The following PKIB variants were observed in gnomAD, a reference collection of about 807,000 sequenced individuals.
PKIB encodes the protein cAMP-dependent protein kinase inhibitor beta.
A neutral mutation model predicts 4.5 loss-of-function variants in PKIB; 2 were observed. The observed-to-expected ratio is 0.44, with a 90% CI of 0.18 to 1.39. The LOEUF (loss-of-function observed/expected upper bound fraction) is 1.39, where lower values mean the gene tolerates loss of function less well. PKIB is among the 40% of genes most tolerant of loss of function. PKIB has a pLI of 0.27. For missense variants in PKIB, 94 were observed against 92.6 expected, an observed-to-expected ratio of 1.02 and a Z score of -0.06; for synonymous variants, 38 against 36.0, an observed-to-expected ratio of 1.06 and a Z score of -0.20.
chr6:122,662,977 A>G (rs1777069414), intron 2 of PKIB, among the ~76,000 whole-genome samples: 1 of 152,096 alleles, frequency 6.6e-6, no homozygotes, highest in African/African-American at 2.4e-5. Flanking sequence ...TGTTTCCCTT[A>G]TCCTGATTGT....
At chr6:122,526,092 A>C (rs948738342) in intron 2 of PKIB, among the ~76,000 whole-genome samples, 8 of 152,040 alleles carry the variant, frequency 5.3e-5, no homozygotes, top group South Asian at 2.1e-4. Flanking sequence ...CTTAAAAGCA[A>C]CTCTTCATCA....
intron 2 of PKIB, among the ~76,000 whole-genome samples, chr6:122,572,522 G>A (rs936328135): frequency 1.3e-5 from 2 of 151,516 alleles, no homozygotes; most frequent in South Asian, 4.1e-4. Context: ...ACATCAAAAA[G>A]TCTGAAACAG....
intron 3 of PKIB, among the ~76,000 whole-genome samples, chr6:122,591,028 A>C (rs906632271): frequency 2.0e-5 from 3 of 152,024 alleles, no homozygotes; most frequent in African/African-American, 7.2e-5. Context: ...TTTTAAAAAA[A>C]AAAACAGACA....
At chr6:122,691,942 G>A (rs868134273) in intron 3 of PKIB, among the ~76,000 whole-genome samples, 179 of 152,298 alleles carry the variant, frequency 1.2e-3, no homozygotes, top group African/African-American at 4.1e-3. Context: ...TTGTAGGCTT[G>A]TAGAGGTACC....
chr6:122,526,652 A>G lies in PKIB; in HGVS notation c.-248+48713A>G, dbSNP rs181349485. On this transcript the variant is annotated intron_variant, in intron 2 of 6. Coordinates refer to the PKIB transcript ENST00000392491. ...AAAATATTCAATAAGCCATGCTGTC[A>G]GTGAATGTGCTGTTATCTAGGCTTT... is the stretch of plus-strand genomic sequence containing the variant. Among the ~76,000 whole-genome samples, 545 of 152,242 alleles carry G rather than the reference A, an allele frequency of 3.6e-3. 4 individuals are homozygous for G. Among genetic ancestry groups the G allele is most frequent in the African/African-American group, 0.012 (504 of 41,556 alleles).
intron 2 of PKIB, among the ~76,000 whole-genome samples, chr6:122,552,622 C>A (rs1360522359): frequency 2.0e-5 from 3 of 152,180 alleles, no homozygotes; most frequent in African/African-American, 7.2e-5. Flanking sequence ...AAGTGATCTG[C>A]CCGCCTTGGC....
intron 2 of PKIB, among the ~76,000 whole-genome samples, chr6:122,523,737 C>G (rs1777015520): frequency 1.3e-5 from 2 of 151,300 alleles, no homozygotes; most frequent in Admixed American, 6.6e-5. Context: ...GAGCTGAGAT[C>G]AAGCCACTGC....
chr6:122,682,034 G>T (rs573075540), intron 3 of PKIB, among the ~76,000 whole-genome samples: 12 of 152,236 alleles, frequency 7.9e-5, no homozygotes, highest in African/African-American at 2.6e-4. Context: ...CAGTTATACT[G>T]CTGTGGCCCT....
chr6:122,657,280 A>G (rs1353326884), intron 2 of PKIB, among the ~76,000 whole-genome samples: 1 of 152,182 alleles, frequency 6.6e-6, no homozygotes, highest in Non-Finnish European at 1.5e-5. Flanking sequence ...TGAGTCTAAA[A>G]TTGCTACTCA....
chr6:122,683,826 C>T (rs545980564), intron 3 of PKIB, among the ~76,000 whole-genome samples: 7 of 152,048 alleles, frequency 4.6e-5, no homozygotes, highest in Non-Finnish European at 1.0e-4. Flanking sequence ...CCTAAACTAA[C>T]AATAAGGCTA....
At chr6:122,723,095 T>C (rs971984785) in intron 4 of PKIB, among the ~76,000 whole-genome samples, 1 of 152,230 alleles carries the variant, frequency 6.6e-6, no homozygotes. Flanking sequence ...CCTTCAGCTT[T>C]TCTTTCCTCA....
intron 3 of PKIB, among the ~76,000 whole-genome samples, chr6:122,679,665 T>C (rs1180987910): frequency 1.3e-5 from 2 of 152,154 alleles, no homozygotes; most frequent in Non-Finnish European, 2.9e-5. Flanking sequence ...GGATGTACAG[T>C]GGTGTTCACT....
rs35364615 is a variant in PKIB, at chr6:122,721,802, C to CATAT, written c.170-3311_170-3308dup. Among the ~76,000 whole-genome samples the CATAT allele has an allele frequency of 5.1e-3, 764 of 149,040 alleles. 25 individuals carry two copies. The East Asian group carries it at 0.097, about 19-fold the overall frequency. ...ATTTATATAAAGTAACATGTTACTA[C>CATAT]ATATATATATATATATATGAGAAAT... On this transcript the variant is annotated intron_variant, in intron 4 of 4. Transcript: ENST00000368452.
chr6:122,661,886 A>G (rs1184488703), intron 2 of PKIB, among the ~76,000 whole-genome samples: 2 of 152,190 alleles, frequency 1.3e-5, no homozygotes, highest in Non-Finnish European at 2.9e-5. Context: ...TATAGTCATC[A>G]TAGTGAGTGT....
intron 3 of PKIB, among the ~76,000 whole-genome samples, chr6:122,689,952 T>C (rs528632388): frequency 2.4e-4 from 37 of 152,308 alleles, no homozygotes; most frequent in South Asian, 6.2e-4. Flanking sequence ...TGGATGCATA[T>C]ATATTTAAAA....
chr6:122,708,892 C>G (rs1419863393), intron 3 of PKIB, among the ~76,000 whole-genome samples: 1 of 152,144 alleles, frequency 6.6e-6, no homozygotes, highest in Non-Finnish European at 1.5e-5. Context: ...CTCAGCCTCC[C>G]AAAACCCTGA....
intron 2 of PKIB, among the ~76,000 whole-genome samples, chr6:122,546,037 G>C (rs1036329146): frequency 6.6e-6 from 1 of 151,828 alleles, no homozygotes; most frequent in Non-Finnish European, 1.5e-5. Flanking sequence ...TCTCTTAAAG[G>C]CTCATTTCCC....
intron 2 of PKIB, among the ~76,000 whole-genome samples, chr6:122,643,157 A>G (rs542172101): frequency 2.0e-5 from 3 of 152,290 alleles, no homozygotes; most frequent in East Asian, 1.9e-4. Flanking sequence ...AGTTCCCTAC[A>G]TGTTTTCTAA....
At chr6:122,563,758 A>G (rs1773100656) in intron 2 of PKIB, among the ~76,000 whole-genome samples, 1 of 152,214 alleles carries the variant, frequency 6.6e-6, no homozygotes, top group Admixed American at 6.5e-5. Flanking sequence ...GCCAGCAGTC[A>G]CAGGCCTCAC....
Sources: gnomAD v4.1 joint callset for allele counts (sites outside exome capture counted in the v4.1 genomes callset) on GRCh38, gnomAD v4.1.1 for gene constraint, MANE v1.5 for transcripts, NCBI Gene and HGNC (gene_info 2026-07-23, HGNC 2026-07-21) for gene names.